Variants in NEGR1 observed in about 807,000 individuals in gnomAD.
NEGR1 encodes the protein neuronal growth regulator 1.
In NEGR1, 10 loss-of-function variants were observed where a neutral mutation model predicts 40.9. That is an observed-to-expected ratio of 0.24 (90% confidence interval 0.15 to 0.42). The LOEUF is 0.42. Ranked by LOEUF, NEGR1 falls within the 10% of genes least tolerant of loss-of-function variation. The pLI, the probability that NEGR1 is intolerant of heterozygous loss-of-function variation, is 1.00. For synonymous variants in NEGR1, 185 were observed against 166.8 expected (o/e 1.11, Z -0.84); for missense variants, 352 against 438.9 (o/e 0.80, Z 1.77).
chr1:71,762,207 A>G (rs1655969394), intron 3 of NEGR1, among the ~76,000 whole-genome samples: 1 of 151,988 alleles, frequency 6.6e-6, no homozygotes, highest in South Asian at 2.1e-4. Flanking sequence ...TAGAGTTCTA[A>G]AAAATGCTCA....
chr1:71,651,580 T>C (rs1221320176), intron 4 of NEGR1, among the ~76,000 whole-genome samples: 3 of 152,160 alleles, frequency 2.0e-5, no homozygotes, highest in African/African-American at 7.2e-5. Flanking sequence ...ACTTTTCATT[T>C]TATCCAGATA....
intron 4 of NEGR1, among the ~76,000 whole-genome samples, chr1:71,695,070 C>A (rs1163962372): frequency 2.0e-5 from 3 of 151,716 alleles, no homozygotes; most frequent in African/African-American, 7.2e-5. Flanking sequence ...ATCAGCTCAG[C>A]AAAATCTAGA....
chr1:71,762,692 A>G (rs1349669606), intron 3 of NEGR1, among the ~76,000 whole-genome samples: 2 of 152,154 alleles, frequency 1.3e-5, no homozygotes, highest in Admixed American at 1.3e-4. Context: ...GCTAATTTCA[A>G]AGATTATGCA....
intron 1 of NEGR1, among the ~76,000 whole-genome samples, chr1:72,198,671 T>C (rs1420011531): frequency 6.6e-6 from 1 of 151,982 alleles, no homozygotes; most frequent in Non-Finnish European, 1.5e-5. Context: ...TCTTTGATTA[T>C]AATAACAACT....
At chr1:71,943,649 T>C (rs1403256465) in intron 1 of NEGR1, among the ~76,000 whole-genome samples, 3 of 152,132 alleles carry the variant, frequency 2.0e-5, no homozygotes, top group Non-Finnish European at 2.9e-5. Context: ...TAAGCATGGA[T>C]AGAGTAAGAG....
chr1:71,806,253 T>C (rs893030361), intron 2 of NEGR1, among the ~76,000 whole-genome samples: 1 of 151,928 alleles, frequency 6.6e-6, no homozygotes. Flanking sequence ...TACTATAAAA[T>C]ATTAAAAATT....
chr1:71,572,502 T>C (rs1175588763), intron 6 of NEGR1, among the ~76,000 whole-genome samples: 3 of 152,224 alleles, frequency 2.0e-5, no homozygotes, highest in Admixed American at 6.5e-5. Context: ...CTTCTCACTA[T>C]TGAGAAAAGC....
intron 1 of NEGR1, among the ~76,000 whole-genome samples, chr1:72,141,893 G>A (rs1650692044): frequency 6.6e-6 from 1 of 151,920 alleles, no homozygotes; most frequent in Non-Finnish European, 1.5e-5. Flanking sequence ...AACAATGACA[G>A]TTAATAGAAG....
chr1:72,233,927 C>T (rs1245522869), intron 1 of NEGR1, among the ~76,000 whole-genome samples: 6 of 151,994 alleles, frequency 3.9e-5, no homozygotes, highest in African/African-American at 1.4e-4. Context: ...TATAAGCTTT[C>T]CCTTTTCTCT....
chr1:71,527,064 A>T (rs1647225346), intron 6 of NEGR1, among the ~76,000 whole-genome samples: 1 of 151,606 alleles, frequency 6.6e-6, no homozygotes, highest in Non-Finnish European at 1.5e-5. Flanking sequence ...GATATTTTTA[A>T]AGCCATATCT....
At chr1:71,576,058 G>C (rs1648957069) in intron 6 of NEGR1, among the ~76,000 whole-genome samples, 1 of 152,148 alleles carries the variant, frequency 6.6e-6, no homozygotes, top group African/African-American at 2.4e-5. Flanking sequence ...ATGGAGCATA[G>C]TGTCCAAGAA....
Position 72,052,007 on chromosome 1 carries a change from A to C in NEGR1, c.177-116696T>G, listed in dbSNP as rs11209898. 3.6e-4 allele frequency among the ~76,000 whole-genome samples: 54 copies of C among 151,168 alleles called. No individual in the cohort carries two copies. In the South Asian group the frequency reaches 0.011, roughly 30 times the overall value. On this transcript the variant is annotated intron_variant, in intron 1 of 6. Transcript: ENST00000357731. ...TCAAGAGATAGAAAACTCATCCTCA[A>C]AACAAGCTGACAGAGTTTCCTGGTG...
chr1:72,264,163 G>T (rs1413236790), intron 1 of NEGR1, among the ~76,000 whole-genome samples: 1 of 151,320 alleles, frequency 6.6e-6, no homozygotes, highest in African/African-American at 2.4e-5. Flanking sequence ...ATGGAGACAA[G>T]TATACAGAAT....
chr1:71,596,589 C>T (rs1191425510), intron 5 of NEGR1, among the ~76,000 whole-genome samples: 1 of 152,134 alleles, frequency 6.6e-6, no homozygotes, highest in Non-Finnish European at 1.5e-5. Flanking sequence ...AACATCACCC[C>T]AAAAAACTGG....
chr1:72,280,861 G>A (rs971835402), intron 1 of NEGR1, among the ~76,000 whole-genome samples: 3 of 152,180 alleles, frequency 2.0e-5, no homozygotes, highest in African/African-American at 7.2e-5. Flanking sequence ...CTGATGTTGT[G>A]CAAGCCAGAC....
At chr1:71,902,173 T>C (rs1470780583) in intron 2 of NEGR1, among the ~76,000 whole-genome samples, 5 of 152,202 alleles carry the variant, frequency 3.3e-5, no homozygotes, top group Admixed American at 6.5e-5. Flanking sequence ...GTGGCACACA[T>C]AAATTTAAGG....
At chr1:71,951,754 A>G (rs1480296183) in intron 1 of NEGR1, among the ~76,000 whole-genome samples, 1 of 151,820 alleles carries the variant, frequency 6.6e-6, no homozygotes, top group Non-Finnish European at 1.5e-5. Context: ...CTTTGTGCCA[A>G]TCCTGTGTCA....
intron 2 of NEGR1, among the ~76,000 whole-genome samples, chr1:71,908,519 C>T (rs555493738): frequency 2.6e-5 from 4 of 152,246 alleles, no homozygotes; most frequent in Middle Eastern, 3.4e-3. Flanking sequence ...ACCAATCTAA[C>T]GTCAGAAGGC....
chr1:71,559,616 C>T (rs1356315042), intron 6 of NEGR1, among the ~76,000 whole-genome samples: 1 of 151,482 alleles, frequency 6.6e-6, no homozygotes, highest in African/African-American at 2.4e-5. Flanking sequence ...CCAAAAGTTC[C>T]CAGAAAGGTC....
Sources: gnomAD v4.1 joint callset for allele counts (sites outside exome capture counted in the v4.1 genomes callset) on GRCh38, gnomAD v4.1.1 for gene constraint, MANE v1.5 for transcripts, NCBI Gene and HGNC (gene_info 2026-07-23, HGNC 2026-07-21) for gene names.